Variants in SFSWAP observed in about 807,000 individuals in gnomAD.
SFSWAP encodes the protein splicing factor, suppressor of white-apricot homolog.
A neutral mutation model predicts 100.7 loss-of-function variants in SFSWAP; 17 were observed. The observed-to-expected ratio is 0.17, with a 90% CI of 0.12 to 0.25. SFSWAP has a LOEUF of 0.25. Ranked by LOEUF, SFSWAP falls within the 10% of genes least tolerant of loss-of-function variation. The pLI, the probability that SFSWAP is intolerant of heterozygous loss-of-function variation, is 1.00. For synonymous variants in SFSWAP, 504 were observed against 510.1 expected, an observed-to-expected ratio of 0.99 and a Z score of 0.16; for missense variants, 1,005 against 1,262.6, an observed-to-expected ratio of 0.80 and a Z score of 3.09.
chr12:131,798,179 C>T (rs1338887084), intron 16 of SFSWAP, among the ~76,000 whole-genome samples: 1 of 152,108 alleles, frequency 6.6e-6, no homozygotes, highest in Admixed American at 6.5e-5. Flanking sequence ...TGGCACGCGT[C>T]TGTAATCCCA....
intron 14 of SFSWAP, among the ~76,000 whole-genome samples, chr12:131,779,535 G>A (rs980462700): frequency 3.3e-5 from 5 of 152,166 alleles, no homozygotes; most frequent in Non-Finnish European, 7.3e-5. Context: ...AGCTTGCCCT[G>A]TTTTCAGAAC....
intron 9 of SFSWAP, among the ~76,000 whole-genome samples, chr12:131,754,754 C>T (rs1220633186): frequency 1.3e-5 from 2 of 150,612 alleles, no homozygotes; most frequent in African/African-American, 4.9e-5. Context: ...CTGTCTCAGC[C>T]TCCTGAGTAG....
chr12:131,787,335 A>G (rs1593190675), intron 15 of SFSWAP, among the ~76,000 whole-genome samples: 1 of 152,236 alleles, frequency 6.6e-6, no homozygotes, highest in Non-Finnish European at 1.5e-5. Flanking sequence ...GGCCACCTCC[A>G]TTGGTGCCGC....
At position 131,791,993 on chromosome 12, in the gene SFSWAP, G is replaced by A. The variant is rs750168134; in HGVS notation, c.2535-5185G>A. 1.1e-4 allele frequency among the ~76,000 whole-genome samples: 17 copies of A among 151,500 alleles called. No individual in the cohort carries two copies. In the East Asian group the frequency reaches 2.9e-3, roughly 26 times the overall value. On this transcript the variant is annotated intron_variant, in intron 15 of 17. Coordinates refer to ENST00000261674, the MANE Select transcript of SFSWAP (RefSeq NM_004592.4). The stretch of plus-strand genomic sequence containing the variant: ...ACTGGTCATTACTGTGTGTGCACCC[G>A]TGTGTGTGCACAGACCAGTACAGTG...
At chr12:131,727,674 C>G (rs1879113046) in intron 6 of SFSWAP, among the ~76,000 whole-genome samples, 1 of 152,102 alleles carries the variant, frequency 6.6e-6, no homozygotes, top group African/African-American at 2.4e-5. Flanking sequence ...GTGATATCAT[C>G]ATAGGATTGG....
At chr12:131,760,100 A>G (rs1882529552) in intron 11 of SFSWAP, among the ~76,000 whole-genome samples, 1 of 152,222 alleles carries the variant, frequency 6.6e-6, no homozygotes, top group Admixed American at 6.5e-5. Flanking sequence ...AATGTAAAAC[A>G]TAAAACTAGA....
At position 131,734,236 on chromosome 12, in the gene SFSWAP, T is replaced by A. The variant is rs2136198156; in HGVS notation, c.1081+5808T>A. 6.6e-6 allele frequency among the ~76,000 whole-genome samples: 1 copy of A among 152,338 alleles called. No individual in the cohort carries two copies. Among genetic ancestry groups the A allele is most frequent in the East Asian group, 1.9e-4 (1 of 5,182 alleles). On this transcript the variant is annotated intron_variant, in intron 7 of 17. Transcript: ENST00000261674. This position sits in a 1 kb window ranked among gnomAD's most constrained non-coding sequence, Gnocchi z 4.9. ...CTGACGTTGGGCTGGGTGTGGCTCG[T>A]ACATAGGACAGGGCCCACACACTGG...
intron 7 of SFSWAP, among the ~76,000 whole-genome samples, chr12:131,739,499 T>G (rs552260995): frequency 3.0e-4 from 46 of 151,468 alleles, no homozygotes; most frequent in Non-Finnish European, 5.9e-4. Flanking sequence ...TTATGAGAGT[T>G]TATAAATAGT....
At chr12:131,779,657 AT>A (rs1245124030) in intron 14 of SFSWAP, among the ~76,000 whole-genome samples, 1 of 152,096 alleles carries the variant, frequency 6.6e-6, no homozygotes, top group African/African-American at 2.4e-5. Context: ...GTTAGCTCTT[AT>A]GTTTCTGTGG....
intron 7 of SFSWAP, among the ~76,000 whole-genome samples, chr12:131,737,565 C>T (rs1880153140): frequency 1.3e-5 from 2 of 152,026 alleles, no homozygotes; most frequent in African/African-American, 2.4e-5. Flanking sequence ...TTTGTTTAGG[C>T]GGAAGTGGCC....
chr12:131,753,919 G>T (rs1196015959), intron 8 of SFSWAP, among the ~76,000 whole-genome samples: 1 of 152,164 alleles, frequency 6.6e-6, no homozygotes, highest in Non-Finnish European at 1.5e-5. Context: ...GGAATGCCCT[G>T]CCTTGAAAGG....
chr12:131,781,735 A>T (rs1884523653), intron 14 of SFSWAP, among the ~76,000 whole-genome samples: 1 of 152,192 alleles, frequency 6.6e-6, no homozygotes, highest in Non-Finnish European at 1.5e-5. Context: ...TGTTTCCAGA[A>T]CACTCCAATT....
intron 14 of SFSWAP, among the ~76,000 whole-genome samples, chr12:131,781,240 T>A (rs11246805): frequency 0.3 from 21,754 of 73,038 alleles, 1,943 homozygotes; most frequent in East Asian, 0.56. Context: ...TATTATTTTT[T>A]TTTTTTTTTT....
intron 13 of SFSWAP, among the ~76,000 whole-genome samples, chr12:131,767,514 CTG>C (rs1437816944): frequency 2.6e-5 from 4 of 152,174 alleles, no homozygotes; most frequent in South Asian, 2.1e-4. Context: ...TATCAATAAA[CTG>C]TGACAAAACT....
intron 10 of SFSWAP, among the ~76,000 whole-genome samples, chr12:131,756,015 G>A (rs1882124638): frequency 6.6e-6 from 1 of 152,208 alleles, no homozygotes; most frequent in East Asian, 1.9e-4. Context: ...GCTCTTCTCA[G>A]TTATATAGAC....
intron 7 of SFSWAP, among the ~76,000 whole-genome samples, chr12:131,750,747 A>G (rs937869421): frequency 2.0e-5 from 3 of 152,212 alleles, no homozygotes; most frequent in African/African-American, 4.8e-5. Context: ...CTGGAGCACA[A>G]TGGTGCCATC....
Position 131,799,120 on chromosome 12 carries a change from A to G in SFSWAP, c.2790+11A>G. 1.9e-6 allele frequency: 3 copies of G among 1,608,078 alleles called. No homozygotes were observed. The highest frequency in any genetic ancestry group is 2.6e-6 in the Non-Finnish European group (3 of 1,174,536). On this transcript the variant is annotated intron_variant, in intron 17 of 17. Transcript: ENST00000261674. The stretch of plus-strand genomic sequence containing the variant: ...AGCAAAATCACTCAGGTCAGTGGGC[A>G]CGCCCCCCTCCCGCTCCCAGCCTTT...
chr12:131,730,591 G>A lies in SFSWAP; in HGVS notation c.1081+2163G>A, dbSNP rs1879405033. Among the ~76,000 whole-genome samples, 1 of 152,194 alleles carries A rather than the reference G, an allele frequency of 6.6e-6. No homozygotes were observed. The highest frequency in any genetic ancestry group is 2.4e-5 in the African/African-American group (1 of 41,446). On this transcript the variant is annotated intron_variant, in intron 7 of 17. Transcript: ENST00000261674. The surrounding 1 kb of genome is among the most constrained non-coding windows in gnomAD (Gnocchi z 4.0). ...GCAGGGGTGGCATTGTGAGCTGTCT[G>A]GGTCAGAAGGCTTGGTACATTCCCA...
chr12:131,792,513 ACG>A (rs754405129), intron 15 of SFSWAP, among the ~76,000 whole-genome samples: 9 of 127,200 alleles, frequency 7.1e-5, no homozygotes, highest in African/African-American at 9.4e-5. Context: ...GTGTGTGCAT[ACG>A]TGTGTGTTCA....
Sources: gnomAD v4.1 joint callset for allele counts (sites outside exome capture counted in the v4.1 genomes callset) on GRCh38, gnomAD v4.1.1 for gene constraint, Gnocchi (gnomAD v3.1) non-coding constraint, MANE v1.5 for transcripts, NCBI Gene and HGNC (gene_info 2026-07-23, HGNC 2026-07-21) for gene names.